Variants in PLEKHA1 observed in about 807,000 individuals in gnomAD.
The protein encoded by PLEKHA1 is pleckstrin homology domain containing A1.
In PLEKHA1, 34 loss-of-function variants were observed where a neutral mutation model predicts 52.0. That is an observed-to-expected ratio of 0.65 (90% CI 0.50 to 0.87). The LOEUF (loss-of-function observed/expected upper bound fraction) is 0.87. PLEKHA1 is among the 40% of genes least tolerant of loss of function. The probability of loss-of-function intolerance (pLI) is 0.00; values close to 1 mark genes in which losing one functional copy is unlikely to be tolerated. For missense variants in PLEKHA1, 497 were observed against 504.2 expected (o/e 0.99, Z 0.14); for synonymous variants, 163 against 170.7 (o/e 0.95, Z 0.35).
chr10:122,424,902 A>T lies in PLEKHA1; in HGVS notation c.753A>T (p.Ile251=), dbSNP rs757625482. The change falls in exon 10 of 12, where the codon ATA becomes ATT. Residue 251 remains isoleucine, a synonymous_variant. Coordinates refer to ENST00000368990, the MANE Select transcript of PLEKHA1 (RefSeq NM_001001974.4). ...GGATTTTTTTTTCATACAGCGACAT[A>T]ATGATGAGGGACAACCTCTTTGAAA... ...HKVQECKQSD[I]MMRDNLFEIV... is the part of the protein sequence containing the mutation. 6.2e-7 allele frequency: 1 copy of T among 1,609,506 alleles called. No homozygotes were observed. The highest frequency in any genetic ancestry group is 1.1e-5 in the South Asian group (1 of 89,980).
chr10:122,424,309 A>C (rs1461786986), intron 9 of PLEKHA1, 46 bp downstream of exon 9: 6 of 1,547,942 alleles, frequency 3.9e-6, no homozygotes, highest in Non-Finnish European at 3.5e-6. Flanking sequence ...TTATAAACAC[A>C]GAATAGTGCC....
intron 6 of PLEKHA1, 115 bp from the exon 7 acceptor site, chr10:122,415,744 A>C: frequency 9.7e-7 from 1 of 1,035,130 alleles, no homozygotes; most frequent in Non-Finnish European, 1.3e-6. Context: ...AAACTCTTCA[A>C]AAATCTGTTT....
chr10:122,386,196 T>C (rs10749467), intron 1 of PLEKHA1, among the ~76,000 whole-genome samples: 17,458 of 152,246 alleles, frequency 0.11, 1,344 homozygotes, highest in Non-Finnish European at 0.17. Context: ...AGGTATGTTA[T>C]AGTATCTTGT....
chr10:122,417,260 C>G (rs2097189992), intron 7 of PLEKHA1, among the ~76,000 whole-genome samples: 1 of 151,658 alleles, frequency 6.6e-6, no homozygotes, highest in Non-Finnish European at 1.5e-5. Flanking sequence ...GGTTTAATAA[C>G]ATTTCCTGTG....
At chr10:122,434,225 T>C (rs1360522878), downstream of PLEKHA1, 1 of 152,230 alleles carries the variant, frequency 6.6e-6, no homozygotes, top group African/African-American at 2.4e-5. Flanking sequence ...GGATACATAA[T>C]TTTTATTTAA....
In PLEKHA1 at chr10:122,431,875, T is replaced by C. The variant is rs954254413; in HGVS notation, c.*1937T>C. 6.6e-6 allele frequency: 1 copy of C among 152,204 alleles called. No homozygotes were observed. The highest frequency in any genetic ancestry group is 1.5e-5 in the Non-Finnish European group (1 of 68,030). 9.4% of individuals were successfully genotyped at this position (152,204 alleles called of 1,614,324 possible). A position where few individuals can be genotyped will look rare whatever the true frequency, so the allele number is the denominator to read the frequency against. Reference sequence around the variant, plus strand: ...CTTTTTCATGAACACACCCGAGAAATCTTAAATAGACACTTTGCAATATTT... The same window carrying C: ...CTTTTTCATGAACACACCCGAGAAACCTTAAATAGACACTTTGCAATATTT... On this transcript the variant is annotated 3_prime_UTR_variant, in exon 12 of 12. Coordinates refer to ENST00000368990, the MANE Select transcript of PLEKHA1 (RefSeq NM_001001974.4).
intron 1 of PLEKHA1, among the ~76,000 whole-genome samples, chr10:122,375,427 G>C (rs2096517262): frequency 6.6e-6 from 1 of 152,266 alleles, no homozygotes; most frequent in African/African-American, 2.4e-5. Flanking sequence ...GGGGCAGGTG[G>C]CCAGAGGCAG....
In PLEKHA1 at chr10:122,424,906, A is replaced by T. The variant is rs539218687; in HGVS notation, c.757A>T (p.Met253Leu). ...TTTTTTTTCATACAGCGACATAATG[A>T]TGAGGGACAACCTCTTTGAAATTGT... ...VQECKQSDIMMRDNLFEIVTT... is the reference protein window; with the variant it reads ...VQECKQSDIMLRDNLFEIVTT... Residue 253 changes from methionine to leucine, a missense_variant, in exon 10 of 12, where the codon ATG (methionine) becomes TTG (leucine). Physicochemically the swap from Met to Leu is conservative, Grantham distance 15. Coordinates refer to ENST00000368990, the MANE Select transcript of PLEKHA1 (RefSeq NM_001001974.4). 1.2e-6 allele frequency: 2 copies of T among 1,610,240 alleles called. No homozygotes were observed. Among genetic ancestry groups the T allele is most frequent in the African/African-American group, 2.7e-5 (2 of 74,878 alleles).
chr10:122,438,521 C>G, the PLEKHA1 span: 1 of 152,218 alleles, frequency 6.6e-6, no homozygotes, highest in African/African-American at 2.4e-5. Context: ...CTGAAAGTCT[C>G]TGCCTTAGTC....
chr10:122,437,631 G>A, the PLEKHA1 span: 1 of 152,346 alleles, frequency 6.6e-6, no homozygotes, highest in South Asian at 2.1e-4. Flanking sequence ...AGCTTTGGAA[G>A]AAGAGGAGGA....
At chr10:122,378,592 C>T (rs1039584598) in intron 1 of PLEKHA1, among the ~76,000 whole-genome samples, 1 of 151,812 alleles carries the variant, frequency 6.6e-6, no homozygotes, top group African/African-American at 2.4e-5. Context: ...AAAAATCAGC[C>T]GGGCGTGGTG....
At position 122,424,943 on chromosome 10, in the gene PLEKHA1, G is replaced by T; in HGVS notation, c.794G>T (p.Arg265Leu). 6.2e-7 allele frequency: 1 copy of T among 1,608,020 alleles called. No individual in the cohort carries two copies. The highest frequency in any genetic ancestry group is 1.1e-5 in the South Asian group (1 of 90,004). ...CTCTTTGAAATTGTAACAACGTCTC[G>T]AACTTTCTATGTGCAGGTAAGATGC... is the stretch of plus-strand genomic sequence containing the variant. Reference protein sequence around the residue: ...DNLFEIVTTSRTFYVQADSPE... With the variant: ...DNLFEIVTTSLTFYVQADSPE... Residue 265 changes from arginine (R) to leucine (L), a missense_variant, in exon 10 of 12, where the codon CGA becomes CTA. Arg to Leu is a moderately radical substitution (Grantham distance 102). Coordinates refer to ENST00000368990, the MANE Select transcript of PLEKHA1 (RefSeq NM_001001974.4).
chr10:122,392,423 T>G (rs556463355), intron 1 of PLEKHA1: 1 of 152,288 alleles, frequency 6.6e-6, no homozygotes, highest in East Asian at 1.9e-4. Context: ...TCTTGTTGCT[T>G]TATGTTCACA....
At chr10:122,395,065 A>G (rs1315590161) in intron 2 of PLEKHA1, among the ~76,000 whole-genome samples, 1 of 152,202 alleles carries the variant, frequency 6.6e-6, no homozygotes, top group Non-Finnish European at 1.5e-5. Context: ...AGAAGTTTGG[A>G]TATAATATTG....
the PLEKHA1 span, chr10:122,437,449 A>G: frequency 6.6e-6 from 1 of 152,230 alleles, no homozygotes; most frequent in Non-Finnish European, 1.5e-5. Flanking sequence ...GCAGTTGGAT[A>G]TGCAAATTTG....
chr10:122,381,318 A>G (rs867374343), intron 1 of PLEKHA1, among the ~76,000 whole-genome samples: 32 of 152,110 alleles, frequency 2.1e-4, no homozygotes, highest in Admixed American at 2.6e-4. Flanking sequence ...TGGATTGGAC[A>G]TGGGGTAGGA....
chr10:122,424,916 A>G lies in PLEKHA1; in HGVS notation c.767A>G (p.Asn256Ser), dbSNP rs915325201. The stretch of plus-strand genomic sequence containing the variant: ...TACAGCGACATAATGATGAGGGACA[A>G]CCTCTTTGAAATTGTAACAACGTCT... ...CKQSDIMMRDNLFEIVTTSRT... is the reference protein window; with the variant it reads ...CKQSDIMMRDSLFEIVTTSRT... Residue 256 changes from asparagine to serine, a missense_variant, in exon 10 of 12, where the codon AAC (asparagine) becomes AGC (serine). Coordinates refer to ENST00000368990, the MANE Select transcript of PLEKHA1 (RefSeq NM_001001974.4). The G allele has an allele frequency of 5.6e-6, 9 of 1,611,196 alleles. No homozygotes were observed. In the South Asian group the frequency reaches 7.7e-5, roughly 14 times the overall value.
chr10:122,393,340 A>G lies in PLEKHA1; in HGVS notation c.140A>G (p.Gln47Arg). The part of the protein sequence containing the change: ...DSFVWYMDNP[Q>R]NLPSGSSRVG... ...TTCGTGTGGTACATGGATAATCCAC[A>G]GGTTTGTAAAATCCCAAGGATTATC... Residue 47 changes from glutamine (Q) to arginine (R), a missense_variant and splice_region_variant, in exon 2 of 12, where the codon CAG becomes CGG. Coordinates refer to ENST00000368990, the MANE Select transcript of PLEKHA1 (RefSeq NM_001001974.4). The surrounding 1 kb of genome is among the most constrained non-coding windows in gnomAD (Gnocchi z 4.5). 1 of 1,595,026 alleles carries G rather than the reference A, an allele frequency of 6.3e-7. No homozygotes were observed.
chr10:122,379,839 C>T (rs2096590400), intron 1 of PLEKHA1, among the ~76,000 whole-genome samples: 1 of 152,152 alleles, frequency 6.6e-6, no homozygotes, highest in Non-Finnish European at 1.5e-5. Context: ...TTTTTCTTTG[C>T]TTTTTCTTAT....
Sources: gnomAD v4.1 joint callset for allele counts (sites outside exome capture counted in the v4.1 genomes callset) on GRCh38, gnomAD v4.1.1 for gene constraint, Gnocchi (gnomAD v3.1) non-coding constraint, MANE v1.5 for transcripts, NCBI Gene and HGNC (gene_info 2026-07-23, HGNC 2026-07-21) for gene names.